Variants in ARID5B observed in about 807,000 individuals in gnomAD.
ARID5B encodes the protein AT-rich interaction domain 5B, also known as AT-rich interactive domain-containing protein 5B.
ARID5B carries 13 observed loss-of-function variants against 97.2 expected under a neutral mutation model. The observed-to-expected ratio is 0.13, with a 90% CI of 0.09 to 0.21. The LOEUF is 0.21. Ranked by LOEUF, ARID5B falls within the 10% of genes least tolerant of loss-of-function variation. The pLI, the probability that ARID5B is intolerant of heterozygous loss-of-function variation, is 1.00. For missense variants in ARID5B, 1,210 were observed against 1,465.3 expected (o/e 0.83, Z 2.84); for synonymous variants, 556 against 570.3 (o/e 0.97, Z 0.36).
chr10:62,024,665 TC>T, intron 4 of ARID5B: 1 of 396,354 alleles, frequency 2.5e-6, no homozygotes, highest in Non-Finnish European at 4.5e-6. Context: ...GATTTTTTTT[TC>T]TTTCGGGAGG....
chr10:61,967,985 T>C (rs903507310), intron 3 of ARID5B, among the ~76,000 whole-genome samples: 1 of 151,880 alleles, frequency 6.6e-6, no homozygotes, highest in East Asian at 1.9e-4. Context: ...GGGCCTATTA[T>C]GCCCAGGCTC....
At chr10:62,023,668 C>A (rs1188753589) in intron 4 of ARID5B, among the ~76,000 whole-genome samples, 1 of 152,098 alleles carries the variant, frequency 6.6e-6, no homozygotes, top group Non-Finnish European at 1.5e-5. Flanking sequence ...ATAGCTGCAA[C>A]CTTGATTTAA....
intron 4 of ARID5B, among the ~76,000 whole-genome samples, chr10:62,027,465 T>C (rs7903871): frequency 0.079 from 11,939 of 151,404 alleles, 730 homozygotes; most frequent in Admixed American, 0.2. Context: ...CCCACCACCA[T>C]GCCTGGCTAA....
At chr10:62,090,746 A>G in intron 9 of ARID5B, 116 bp from the exon 10 acceptor site, 1 of 1,307,240 alleles carries the variant, frequency 7.6e-7, no homozygotes, top group Non-Finnish European at 1.0e-6. Context: ...AAACTTCACG[A>G]GCTGATTGAC....
chr10:62,015,506 A>G (rs1286302781), intron 4 of ARID5B, among the ~76,000 whole-genome samples: 1 of 152,210 alleles, frequency 6.6e-6, no homozygotes, highest in Non-Finnish European at 1.5e-5. Flanking sequence ...CTTGAGCTCA[A>G]TGGGACTTTT....
intron 3 of ARID5B, among the ~76,000 whole-genome samples, chr10:61,993,154 C>T (rs1473137542): frequency 6.6e-6 from 1 of 151,946 alleles, no homozygotes; most frequent in Non-Finnish European, 1.5e-5. Context: ...CACACACGCA[C>T]ACACAACTGA....
intron 4 of ARID5B, among the ~76,000 whole-genome samples, chr10:62,036,778 A>C (rs1312619579): frequency 6.6e-6 from 1 of 152,160 alleles, no homozygotes; most frequent in Non-Finnish European, 1.5e-5. Flanking sequence ...CATGCAACAG[A>C]AACCAGAGTC....
At chr10:61,952,607 G>C (rs140147177) in intron 3 of ARID5B, among the ~76,000 whole-genome samples, 1 of 152,274 alleles carries the variant, frequency 6.6e-6, no homozygotes, top group African/African-American at 2.4e-5. Context: ...ACACCTATGT[G>C]CATTTGAAGG....
intron 3 of ARID5B, among the ~76,000 whole-genome samples, chr10:61,957,692 T>C (rs1838410824): frequency 6.6e-6 from 1 of 152,274 alleles, no homozygotes; most frequent in Admixed American, 6.5e-5. Flanking sequence ...GATTTTTATA[T>C]AGATGGCATG....
chr10:61,996,369 AT>A (rs1170492228), intron 3 of ARID5B, among the ~76,000 whole-genome samples: 2 of 152,104 alleles, frequency 1.3e-5, no homozygotes, highest in Non-Finnish European at 2.9e-5. Flanking sequence ...TATTACTATT[AT>A]TATTTGAGAC....
intron 3 of ARID5B, among the ~76,000 whole-genome samples, chr10:61,997,163 G>A (rs185741768): frequency 1.4e-3 from 206 of 152,174 alleles, no homozygotes; most frequent in Admixed American, 2.3e-3. Flanking sequence ...TAGGAGTTGA[G>A]AGTAGGGGGA....
chr10:61,999,942 C>T, intron 3 of ARID5B, 149 bp from the exon 4 acceptor site: 1 of 761,134 alleles, frequency 1.3e-6, no homozygotes, highest in East Asian at 2.7e-5. Context: ...TGAAGTGGGG[C>T]TGGGAGGATG....
intron 4 of ARID5B, among the ~76,000 whole-genome samples, chr10:62,041,632 C>A (rs186937722): frequency 2.7e-4 from 41 of 152,162 alleles, no homozygotes; most frequent in Admixed American, 2.4e-3. Context: ...CCAAGTATGT[C>A]ATAAGTTAAA....
intron 7 of ARID5B, among the ~76,000 whole-genome samples, chr10:62,063,901 G>A (rs748544808): frequency 6.6e-5 from 10 of 152,144 alleles, no homozygotes; most frequent in Non-Finnish European, 2.9e-5. Context: ...AGCATATGGC[G>A]GTGGTTTGCT....
intron 3 of ARID5B, among the ~76,000 whole-genome samples, chr10:61,973,218 G>C (rs979041152): frequency 1.3e-5 from 2 of 152,170 alleles, no homozygotes; most frequent in African/African-American, 4.8e-5. Flanking sequence ...TATGTGGCGG[G>C]GGAGGGGAAA....
At chr10:62,049,117 G>T in intron 4 of ARID5B, 1 of 1,114,392 alleles carries the variant, frequency 9.0e-7, no homozygotes, top group Non-Finnish European at 1.1e-6. Context: ...TTCATGGAAC[G>T]TGGCATCGTG....
At chr10:62,080,301 T>C (rs368710043) in intron 8 of ARID5B, among the ~76,000 whole-genome samples, 1 of 152,330 alleles carries the variant, frequency 6.6e-6, no homozygotes, top group African/African-American at 2.4e-5. Flanking sequence ...GGAGATCTTC[T>C]GTGGCTCACA....
In ARID5B at chr10:61,940,321, C is replaced by G; in HGVS notation, c.415C>G (p.Gln139Glu). ...VKTEALGRNG[Q>E]KEALLKYRQS... Reference sequence around the variant, plus strand: ...AACTGAGGCCTTGGGAAGGAATGGACAGAAGGAAGCTCTGCTGAAGTACAG... The same window carrying G: ...AACTGAGGCCTTGGGAAGGAATGGAGAGAAGGAAGCTCTGCTGAAGTACAG... Residue 139 changes from glutamine (Q) to glutamate (E), a missense_variant, in exon 3 of 10, where the codon CAG (glutamine) becomes GAG (glutamate). Gln to Glu is a conservative substitution (Grantham distance 29). This residue lies in a region of ARID5B where 82 missense variants were observed against 79.3 expected (regional missense o/e 1.03). Transcript: ENST00000279873. 1 of 1,614,108 alleles carries G rather than the reference C, an allele frequency of 6.2e-7. No individual in the cohort carries two copies. Among genetic ancestry groups the G allele is most frequent in the South Asian group, 1.1e-5 (1 of 91,080 alleles).
chr10:62,028,687 A>G (rs1839453945), intron 4 of ARID5B, among the ~76,000 whole-genome samples: 1 of 152,140 alleles, frequency 6.6e-6, no homozygotes, highest in Admixed American at 6.6e-5. Flanking sequence ...GGGGCTGGGC[A>G]TGGTGACTCA....
Sources: allele counts gnomAD v4.1 joint callset (sites outside exome capture counted in the v4.1 genomes callset), GRCh38; gene constraint gnomAD v4.1.1; regional missense constraint gnomAD v4.1.1; transcripts MANE v1.5; gene names NCBI Gene and HGNC (gene_info 2026-07-23, HGNC 2026-07-21).